Variants in GABRG2 observed in about 807,000 individuals in gnomAD.
GABRG2 encodes the protein gamma-aminobutyric acid receptor subunit gamma-2.
Under a neutral mutation model 56.4 loss-of-function variants are expected in GABRG2, and 16 were observed. The observed-to-expected ratio is 0.28, with a 90% confidence interval of 0.19 to 0.43. The LOEUF is 0.43. GABRG2 is among the 20% of genes least tolerant of loss of function. GABRG2 has a pLI of 1.00. For synonymous variants in GABRG2, 208 were observed against 205.5 expected, an observed-to-expected ratio of 1.01 and a Z score of -0.10; for missense variants, 327 against 582.7, an observed-to-expected ratio of 0.56 and a Z score of 4.52.
In GABRG2 at chr5:162,143,311, C is replaced by T. The variant is rs540909711; in HGVS notation, c.922+995C>T. Among the ~76,000 whole-genome samples the T allele has an allele frequency of 8.4e-4, 128 of 152,112 alleles. 1 individual carries two copies. Among genetic ancestry groups the T allele is most frequent in the African/African-American group, 2.9e-3 (122 of 41,494 alleles). On this transcript the variant is annotated intron_variant, in intron 7 of 9. Coordinates refer to ENST00000639213, the MANE Select transcript of GABRG2 (RefSeq NM_198904.4). ...AAGTAATCGGCTCTTTACAGAACAG[C>T]GATGGAAAAAATTATTTTTGAGAAA...
chr5:162,076,207 T>C (rs1759092822), intron 1 of GABRG2, among the ~76,000 whole-genome samples: 1 of 152,116 alleles, frequency 6.6e-6, no homozygotes, highest in Non-Finnish European at 1.5e-5. Context: ...GGAATTGATA[T>C]AATACATATT....
chr5:162,142,622 C>T (rs1048590862), intron 7 of GABRG2: 1 of 352,756 alleles, frequency 2.8e-6, no homozygotes, highest in African/African-American at 2.1e-5. Context: ...AGCTGGAAAC[C>T]ATCATTCTCA....
At chr5:162,106,255 T>A (rs918787745) in intron 6 of GABRG2, among the ~76,000 whole-genome samples, 1 of 152,214 alleles carries the variant, frequency 6.6e-6, no homozygotes, top group Non-Finnish European at 1.5e-5. Flanking sequence ...CATTTCACAC[T>A]GAGTACCATC....
chr5:162,120,506 A>C (rs1762911262), intron 6 of GABRG2, among the ~76,000 whole-genome samples: 1 of 152,136 alleles, frequency 6.6e-6, no homozygotes, highest in African/African-American at 2.4e-5. Context: ...GTTAGGACTC[A>C]AGAACTATAG....
At chr5:162,074,824 A>G (rs1251392516) in intron 1 of GABRG2, among the ~76,000 whole-genome samples, 1 of 152,154 alleles carries the variant, frequency 6.6e-6, no homozygotes, top group Non-Finnish European at 1.5e-5. Flanking sequence ...AAATTTCCCC[A>G]GGAATTTTCT....
At chr5:162,129,384 A>AG (rs1213534722) in intron 6 of GABRG2, 1 of 152,030 alleles carries the variant, frequency 6.6e-6, no homozygotes, top group African/African-American at 2.4e-5. Flanking sequence ...CTTAACGTGA[A>AG]AAAGATTAAA....
intron 6 of GABRG2, among the ~76,000 whole-genome samples, chr5:162,114,122 T>G (rs1327092258): frequency 6.6e-6 from 1 of 152,160 alleles, no homozygotes; most frequent in African/African-American, 2.4e-5. Context: ...TTTAAAAGAT[T>G]CTTATATCCT....
rs908294849 is a variant in GABRG2 at position 162,154,394 on chromosome 5, T to C, written c.*1026T>C. On this transcript the variant is annotated 3_prime_UTR_variant, in exon 10 of 10. Transcript: ENST00000639213. ...AGCACCTTGCATAGTGCCTGGCATA[T>C]AGTTGGTGCTCAATAAATATGGTTT... 6.6e-6 allele frequency: 1 copy of C among 152,146 alleles called. No homozygotes were observed. Among genetic ancestry groups the C allele is most frequent in the Non-Finnish European group, 1.5e-5 (1 of 68,020 alleles). The allele number at this position is 152,146 out of a possible 1,614,324, so 9.4% of individuals were successfully genotyped here.
chr5:162,131,547 A>C lies in GABRG2; in HGVS notation c.770-10617A>C, dbSNP rs1354247204. ...AATATTTTAAATTCTGGTGGTTCTC[A>C]AACTTTGGTAGGAATATTAAACAAG... On this transcript the variant is annotated intron_variant, in intron 6 of 9. Coordinates refer to ENST00000639213, the MANE Select transcript of GABRG2 (RefSeq NM_198904.4). Among the ~76,000 whole-genome samples, 3 of 152,016 alleles carry C rather than the reference A, an allele frequency of 2.0e-5. No homozygotes were observed. In the East Asian group the frequency reaches 5.8e-4, roughly 29 times the overall value.
chr5:162,101,557 T>C, intron 5 of GABRG2: 1 of 531,102 alleles, frequency 1.9e-6, no homozygotes. Flanking sequence ...TTGCAAACTT[T>C]TAATATATTG....
chr5:162,150,746 T>TAC (rs1246497905), intron 8 of GABRG2: 1 of 152,224 alleles, frequency 6.6e-6, no homozygotes, highest in African/African-American at 2.4e-5. Context: ...AGTGAAATAC[T>TAC]ACAAGAGTAA....
chr5:162,103,914 T>C lies in GABRG2; in HGVS notation c.657T>C (p.Val219=), dbSNP rs1012812435. Residue 219 remains valine (V), a synonymous_variant, in exon 6 of 10, where the codon GTT becomes GTC. Transcript: ENST00000639213. Reference sequence around the variant, plus strand: ...ATGGCTATCCACGTGAAGAAATTGTTTATCAATGGAAGCGAAGTTCTGTTG... The same window carrying C: ...ATGGCTATCCACGTGAAGAAATTGTCTATCAATGGAAGCGAAGTTCTGTTG... ...SSYGYPREEI[V]YQWKRSSVEV... 6.2e-7 allele frequency: 1 copy of C among 1,614,032 alleles called. No individual in the cohort carries two copies.
At chr5:162,152,684 C>A in intron 9 of GABRG2, 1 of 385,406 alleles carries the variant, frequency 2.6e-6, no homozygotes, top group Non-Finnish European at 4.7e-6. Flanking sequence ...AAGCATGACA[C>A]AATATTTGAT....
chr5:162,094,077 T>C, intron 2 of GABRG2, 98 bp downstream of exon 2: 1 of 1,353,826 alleles, frequency 7.4e-7, no homozygotes, highest in Non-Finnish European at 1.1e-6. Flanking sequence ...GCAAGGAAGA[T>C]TTAAATTATA....
chr5:162,092,567 A>G (rs1038215070), intron 1 of GABRG2, among the ~76,000 whole-genome samples: 1 of 152,194 alleles, frequency 6.6e-6, no homozygotes, highest in Non-Finnish European at 1.5e-5. Flanking sequence ...ATGTGCATTC[A>G]TGTGTACACA....
intron 1 of GABRG2, among the ~76,000 whole-genome samples, chr5:162,079,655 G>A (rs1759489453): frequency 6.6e-6 from 1 of 151,536 alleles, no homozygotes; most frequent in African/African-American, 2.4e-5. Flanking sequence ...ATATAACACT[G>A]CTTTTATAAA....
intron 1 of GABRG2, among the ~76,000 whole-genome samples, chr5:162,088,387 T>A (rs987250999): frequency 6.6e-6 from 1 of 152,178 alleles, no homozygotes; most frequent in Non-Finnish European, 1.5e-5. Context: ...TATGTGTGCC[T>A]TGTCTCTGTT....
At position 162,145,144 on chromosome 5, in the gene GABRG2, A is replaced by G. The variant is rs188615529; in HGVS notation, c.922+2828A>G. Among the ~76,000 whole-genome samples, 9 of 152,296 alleles carry G rather than the reference A, an allele frequency of 5.9e-5. No individual in the cohort carries two copies. The East Asian group carries it at 1.5e-3, about 26-fold the overall frequency. On this transcript the variant is annotated intron_variant, in intron 7 of 9. Coordinates refer to ENST00000639213, the MANE Select transcript of GABRG2 (RefSeq NM_198904.4). ...CGGAACAGTTAGGCCATCTTGTTTG[A>G]TGAGCAAGATAAATTTATCCACGTT...
At position 162,067,885 on chromosome 5, in the gene GABRG2, C is replaced by A; in HGVS notation, c.-115C>A. The stretch of plus-strand genomic sequence containing the variant: ...ATCCATCTCCCCAGTGAAGGACCTA[C>A]TAGAGGCAGGTGGGGGGAGCCACCA... On this transcript the variant is annotated 5_prime_UTR_variant, in exon 1 of 10. Transcript: ENST00000639213. 1 of 751,570 alleles carries A rather than the reference C, an allele frequency of 1.3e-6. No homozygotes were observed. Among genetic ancestry groups the A allele is most frequent in the South Asian group, 1.4e-5 (1 of 69,502 alleles). 46.6% of individuals were successfully genotyped at this position (751,570 alleles called of 1,614,324 possible). A position where few individuals can be genotyped will look rare whatever the true frequency, so the allele number is the denominator to read the frequency against.
Sources: gnomAD v4.1 joint callset for allele counts (sites outside exome capture counted in the v4.1 genomes callset) on GRCh38, gnomAD v4.1.1 for gene constraint, MANE v1.5 for transcripts, NCBI Gene and HGNC (gene_info 2026-07-23, HGNC 2026-07-21) for gene names.